UBA6: variants seen among roughly 807,000 people sequenced by gnomAD.
UBA6 encodes ubiquitin like modifier activating enzyme 6.
Under a neutral mutation model 148.3 loss-of-function variants are expected in UBA6, and 87 were observed. That is an observed-to-expected ratio of 0.59 (90% CI 0.49 to 0.70). The LOEUF (loss-of-function observed/expected upper bound fraction) is 0.70. UBA6 is among the 30% of genes least tolerant of loss of function. UBA6 has a pLI of 0.00. For missense variants in UBA6, 1,186 were observed against 1,241.2 expected (o/e 0.96, Z 0.67); for synonymous variants, 376 against 401.0 (o/e 0.94, Z 0.75).
At position 67,633,336 on chromosome 4, in the gene UBA6, C is replaced by A. The variant is rs1329588990; in HGVS notation, c.2142+9G>T. ...GACCTTTTCTTAATGTCTCACAATG[C>A]ATACTTACCTTATGGTTAAAATATT... On this transcript the variant is annotated intron_variant, in intron 23 of 32. Coordinates refer to ENST00000322244, the MANE Select transcript of UBA6 (RefSeq NM_018227.6). 2 of 1,577,934 alleles carry A rather than the reference C, an allele frequency of 1.3e-6. No individual in the cohort carries two copies. The highest frequency in any genetic ancestry group is 1.7e-6 in the Non-Finnish European group (2 of 1,169,138).
At chr4:67,656,200 C>T (rs987453627) in intron 13 of UBA6, among the ~76,000 whole-genome samples, 1 of 152,154 alleles carries the variant, frequency 6.6e-6, no homozygotes, top group African/African-American at 2.4e-5. Flanking sequence ...AGGCCAGCAT[C>T]CCCTGATACC....
chr4:67,623,932 T>C (rs1374790086), intron 30 of UBA6, among the ~76,000 whole-genome samples, 194 bp downstream of exon 30: 1 of 152,112 alleles, frequency 6.6e-6, no homozygotes, highest in African/African-American at 2.4e-5. Flanking sequence ...GATAAAGTGC[T>C]GTAAGGGTTC....
At chr4:67,651,601 C>G (rs1729555505) in intron 13 of UBA6, among the ~76,000 whole-genome samples, 2 of 151,958 alleles carry the variant, frequency 1.3e-5, no homozygotes, top group Non-Finnish European at 2.9e-5. Context: ...AGTATGAAAA[C>G]TACAGAAAAA....
At chr4:67,682,369 C>A (rs1442663209) in intron 2 of UBA6, among the ~76,000 whole-genome samples, 156 bp from the exon 3 acceptor site, 1 of 152,160 alleles carries the variant, frequency 6.6e-6, no homozygotes, top group East Asian at 1.9e-4. Context: ...GAATTAAATG[C>A]CAAATATATG....
intron 2 of UBA6, among the ~76,000 whole-genome samples, chr4:67,692,338 G>T (rs1365891947): frequency 6.6e-6 from 1 of 152,126 alleles, no homozygotes; most frequent in African/African-American, 2.4e-5. Context: ...GAAAAAAATT[G>T]CCACAAAGGA....
At chr4:67,668,706 C>A in intron 8 of UBA6, 32 bp from the exon 9 acceptor site, 2 of 1,577,828 alleles carry the variant, frequency 1.3e-6, no homozygotes, top group Non-Finnish European at 8.6e-7. Context: ...TAAAAAAGAA[C>A]TTCTTTTTTG....
At position 67,619,042 on chromosome 4, in the gene UBA6, CA is replaced by C; in HGVS notation, c.3113del (p.Leu1038CysfsTer6). On this transcript the variant is annotated frameshift_variant, in exon 33 of 33. Transcript: ENST00000322244. LOFTEE classifies it high-confidence loss of function. ...FAPDIDGDED[L>X]PGPPVRYYFS... ...AGTAGTATCTTACTGGAGGTCCCGG[CA>C]AATCTTCATCTCCATCAATGTCTGG... 6.2e-7 allele frequency: 1 copy of C among 1,613,910 alleles called. No homozygotes were observed. The highest frequency in any genetic ancestry group is 8.5e-7 in the Non-Finnish European group (1 of 1,179,860).
intron 7 of UBA6, among the ~76,000 whole-genome samples, chr4:67,671,437 A>T (rs1730145738): frequency 6.8e-6 from 1 of 146,178 alleles, no homozygotes; most frequent in Non-Finnish European, 1.5e-5. Flanking sequence ...GGATACATAT[A>T]GCTTTTTTTT....
chr4:67,691,427 G>C (rs1295510396), intron 2 of UBA6, among the ~76,000 whole-genome samples: 3 of 152,164 alleles, frequency 2.0e-5, no homozygotes, highest in Non-Finnish European at 1.5e-5. Flanking sequence ...TAATAATTTT[G>C]TAGCTACTTC....
chr4:67,644,827 G>A (rs2109915869), intron 16 of UBA6, 49 bp from the exon 17 acceptor site: 3 of 890,648 alleles, frequency 3.4e-6, no homozygotes, highest in Non-Finnish European at 1.8e-6. Context: ...ACCTATCTGT[G>A]AATCATTTTA....
At chr4:67,652,671 G>T (rs992010387) in intron 13 of UBA6, among the ~76,000 whole-genome samples, 3 of 152,188 alleles carry the variant, frequency 2.0e-5, no homozygotes, top group African/African-American at 7.2e-5. Flanking sequence ...CACTGGAACT[G>T]GTTGGACAGT....
chr4:67,686,967 A>ACT (rs1191105110), intron 2 of UBA6, among the ~76,000 whole-genome samples: 20 of 100,600 alleles, frequency 2.0e-4, no homozygotes, highest in Non-Finnish European at 3.4e-4. Context: ...AAAAAAAAAA[A>ACT]AAAAAAAAAA....
At chr4:67,638,806 G>C in intron 19 of UBA6, 137 bp downstream of exon 19, 1 of 567,024 alleles carries the variant, frequency 1.8e-6, no homozygotes, top group Non-Finnish European at 3.0e-6. Context: ...AATCATCAAA[G>C]GGTTTGTGTT....
intron 19 of UBA6, among the ~76,000 whole-genome samples, chr4:67,635,916 A>C (rs1242222086): frequency 6.6e-6 from 1 of 152,162 alleles, no homozygotes; most frequent in Non-Finnish European, 1.5e-5. Context: ...AAATAATATT[A>C]ATCTTCTTTC....
In UBA6 at chr4:67,618,844, C is replaced by A; in HGVS notation, c.*153G>T. On this transcript the variant is annotated 3_prime_UTR_variant, in exon 33 of 33. Coordinates refer to ENST00000322244, the MANE Select transcript of UBA6 (RefSeq NM_018227.6). The stretch of plus-strand genomic sequence containing the variant: ...CTATGCCCCAAAATGTTTTATAATT[C>A]TTCAGTGCAGTTTCTTACTGATGTT... 1 of 718,184 alleles carries A rather than the reference C, an allele frequency of 1.4e-6. No individual in the cohort carries two copies. Among genetic ancestry groups the A allele is most frequent in the East Asian group, 2.8e-5 (1 of 35,216 alleles). 44.5% of individuals were successfully genotyped at this position (718,184 alleles called of 1,614,324 possible). A position where few individuals can be genotyped will look rare whatever the true frequency, so the allele number is the denominator to read the frequency against.
intron 13 of UBA6, among the ~76,000 whole-genome samples, chr4:67,660,136 G>C (rs1224287334): frequency 6.6e-6 from 1 of 152,194 alleles, no homozygotes; most frequent in African/African-American, 2.4e-5. Context: ...GTTTAAAAGA[G>C]AAGCAGAGCA....
chr4:67,700,001 A>G (rs1177182452), intron 1 of UBA6, among the ~76,000 whole-genome samples: 2 of 152,234 alleles, frequency 1.3e-5, no homozygotes, highest in Admixed American at 6.5e-5. Context: ...CCTGGTGGGT[A>G]AATCTGAATA....
chr4:67,662,483 T>C, intron 12 of UBA6: 2 of 411,472 alleles, frequency 4.9e-6, no homozygotes, highest in Non-Finnish European at 8.5e-6. Context: ...GTTTTTTTTT[T>C]TTTGAGACAG....
At chr4:67,641,389 CT>C (rs1349181864) in intron 17 of UBA6, among the ~76,000 whole-genome samples, 161 bp from the exon 18 acceptor site, 5 of 152,280 alleles carry the variant, frequency 3.3e-5, no homozygotes, top group African/African-American at 1.2e-4. Context: ...ACCAATACTA[CT>C]CTTTTATGTT....
Sources: allele counts gnomAD v4.1 joint callset (sites outside exome capture counted in the v4.1 genomes callset), GRCh38; gene constraint gnomAD v4.1.1; transcripts MANE v1.5; gene names NCBI Gene and HGNC (gene_info 2026-07-23, HGNC 2026-07-21).